AKAP8: variants seen among roughly 807,000 people sequenced by gnomAD.
AKAP8 encodes the protein A-kinase anchor protein 8.
A neutral mutation model predicts 67.5 loss-of-function variants in AKAP8; 24 were observed. The observed-to-expected ratio is 0.36, with a 90% CI of 0.26 to 0.50. The LOEUF is 0.50. Ranked by LOEUF, AKAP8 falls within the 20% of genes least tolerant of loss-of-function variation. The probability of loss-of-function intolerance (pLI) is 0.97; values close to 1 mark genes in which losing one functional copy is unlikely to be tolerated. For missense variants in AKAP8, 971 were observed against 955.9 expected, an observed-to-expected ratio of 1.02 and a Z score of -0.21; for synonymous variants, 400 against 371.1, an observed-to-expected ratio of 1.08 and a Z score of -0.90.
intron 9 of AKAP8, among the ~76,000 whole-genome samples, chr19:15,364,130 C>G (rs377355872): frequency 2.8e-5 from 1 of 35,780 alleles, no homozygotes; most frequent in African/African-American, 1.2e-4. Flanking sequence ...AAAAAAGAAA[C>G]AGGATTTTCA....
intron 2 of AKAP8, among the ~76,000 whole-genome samples, chr19:15,374,855 C>T (rs1021133089): frequency 2.6e-5 from 4 of 152,218 alleles, no homozygotes; most frequent in East Asian, 3.9e-4. Context: ...CAAGGCCAAC[C>T]GTCCGTCAGG....
At chr19:15,371,210 T>C (rs1475797334) in intron 7 of AKAP8, among the ~76,000 whole-genome samples, 1 of 151,162 alleles carries the variant, frequency 6.6e-6, no homozygotes, top group Non-Finnish European at 1.5e-5. Flanking sequence ...CACCTCCAAC[T>C]TGGATCAGAA....
chr19:15,374,118 A>G (rs1243121749), intron 3 of AKAP8, 53 bp from the exon 4 acceptor site: 15 of 1,517,328 alleles, frequency 9.9e-6, no homozygotes, highest in African/African-American at 1.4e-5. Context: ...AGGCCTGTCC[A>G]TGGTGGACAC....
chr19:15,371,228 T>C (rs1474755826), intron 7 of AKAP8, among the ~76,000 whole-genome samples: 2 of 152,216 alleles, frequency 1.3e-5, no homozygotes, highest in African/African-American at 4.8e-5. Flanking sequence ...GAATCTACAC[T>C]GGGGTGGCTG....
intron 1 of AKAP8, among the ~76,000 whole-genome samples, chr19:15,377,687 C>T (rs915070801): frequency 1.3e-5 from 2 of 152,172 alleles, no homozygotes; most frequent in African/African-American, 4.8e-5. Flanking sequence ...CCAGGATGGT[C>T]TCGATCTCCT....
chr19:15,360,159 TAAACCAAA>T (rs1035496713), intron 12 of AKAP8, among the ~76,000 whole-genome samples: 4 of 149,964 alleles, frequency 2.7e-5, no homozygotes, highest in East Asian at 1.9e-4. Flanking sequence ...AACAAAAACG[TAAACCAAA>T]AAACCAAAAC....
chr19:15,378,727 C>G (rs1967304970), intron 1 of AKAP8, among the ~76,000 whole-genome samples: 2 of 152,184 alleles, frequency 1.3e-5, no homozygotes, highest in African/African-American at 2.4e-5. Flanking sequence ...GATCAGACCA[C>G]TAGCTTCTCT....
Position 15,368,726 on chromosome 19 carries a change from G to A in AKAP8, c.1073-404C>T, listed in dbSNP as rs1967108230. ...AAGAGGCGGCAGCTGAAGGCCTCAG[G>A]AAGTGAAGCAGCTGCTCCGCCGCCC... On this transcript the variant is annotated intron_variant, in intron 8 of 13. Transcript: ENST00000269701. The A allele has an allele frequency of 7.1e-6, 7 of 985,226 alleles. No homozygotes were observed. In the South Asian group the frequency reaches 3.3e-4, roughly 46 times the overall value. 61.0% of individuals were successfully genotyped at this position (985,226 alleles called of 1,614,324 possible). A position where few individuals can be genotyped will look rare whatever the true frequency, so the allele number is the denominator to read the frequency against.
rs1031229475 is a variant in AKAP8 at position 15,369,813 on chromosome 19, G to A, written c.1072+333C>T. ...TCAGGGAAATGCACTGGCCGAGGAG[G>A]GCACAGAAGATGGGCTGGGGGCCTC... On this transcript the variant is annotated intron_variant, in intron 8 of 13. Coordinates refer to ENST00000269701, the MANE Select transcript of AKAP8 (RefSeq NM_005858.4). This position sits in a 1 kb window ranked among gnomAD's most constrained non-coding sequence, Gnocchi z 4.6. 2.0e-5 allele frequency among the ~76,000 whole-genome samples: 3 copies of A among 152,190 alleles called. No homozygotes were observed. Among genetic ancestry groups the A allele is most frequent in the African/African-American group, 4.8e-5 (2 of 41,434 alleles).
intron 13 of AKAP8, 116 bp downstream of exon 13, chr19:15,358,851 A>C: frequency 1.1e-6 from 1 of 929,086 alleles, no homozygotes; most frequent in Non-Finnish European, 1.7e-6. Context: ...AGTGTCCCTC[A>C]ACTGTCAAAA....
At chr19:15,366,182 A>T (rs1239764431) in intron 9 of AKAP8, among the ~76,000 whole-genome samples, 1 of 149,368 alleles carries the variant, frequency 6.7e-6, no homozygotes, top group African/African-American at 2.5e-5. Context: ...AAAGTAGTAA[A>T]AAAAAAATGT....
At chr19:15,376,908 G>A (rs1392047282) in intron 2 of AKAP8, 68 bp downstream of exon 2, 3 of 1,560,624 alleles carry the variant, frequency 1.9e-6, no homozygotes, top group Admixed American at 1.9e-5. Flanking sequence ...CCCAAGTTCA[G>A]CTCTGCCATG....
At chr19:15,376,339 AC>A (rs1313008826) in intron 2 of AKAP8, among the ~76,000 whole-genome samples, 1 of 152,096 alleles carries the variant, frequency 6.6e-6, no homozygotes, top group African/African-American at 2.4e-5. Flanking sequence ...ACATGGTAAA[AC>A]CCTGTCTCTA....
chr19:15,358,885 A>T, intron 13 of AKAP8, 82 bp downstream of exon 13: 1 of 1,262,526 alleles, frequency 7.9e-7, no homozygotes, highest in East Asian at 2.3e-5. Context: ...TAAATGCTGC[A>T]CTCTGGATTC....
chr19:15,361,493 G>C (rs956328240), intron 11 of AKAP8: 5 of 406,816 alleles, frequency 1.2e-5, no homozygotes, highest in Non-Finnish European at 1.8e-5. Flanking sequence ...TGGGACTACA[G>C]GTGCCCGCCA....
In AKAP8 at chr19:15,360,768, T is replaced by C. The variant is rs553957731; in HGVS notation, c.1527+80A>G. ...ATAGCAAGAACCCCTAAAGATGTTG[T>C]TATTCCCCATAAGACACAGCAGGCT... On this transcript the variant is annotated intron_variant, in intron 12 of 13. Coordinates refer to ENST00000269701, the MANE Select transcript of AKAP8 (RefSeq NM_005858.4). 6 of 1,503,008 alleles carry C rather than the reference T, an allele frequency of 4.0e-6. No homozygotes were observed. The African/African-American group carries it at 6.9e-5, about 17-fold the overall frequency. The allele number at this position is 1,503,008 out of a possible 1,614,324, so 93.1% of individuals were successfully genotyped here.
At chr19:15,376,569 T>C (rs1030639267) in intron 2 of AKAP8, among the ~76,000 whole-genome samples, 31 of 152,238 alleles carry the variant, frequency 2.0e-4, no homozygotes, top group African/African-American at 7.5e-4. Flanking sequence ...TGGAGGTGGG[T>C]GGGCGTATGA....
intron 13 of AKAP8, among the ~76,000 whole-genome samples, chr19:15,357,483 T>C (rs955366941): frequency 6.8e-6 from 1 of 147,348 alleles, no homozygotes; most frequent in Non-Finnish European, 1.5e-5. Context: ...TGGTGTACTA[T>C]TGCAGTCCCA....
rs1568254149 is a variant in AKAP8 at position 15,373,967 on chromosome 19, T to C, written c.190A>G (p.Asn64Asp). 1.2e-5 allele frequency: 20 copies of C among 1,613,712 alleles called. No individual in the cohort carries two copies. Among genetic ancestry groups the C allele is most frequent in the Non-Finnish European group, 1.7e-5 (20 of 1,179,840 alleles). ...GPASWEAAKA[N>D]DGGLAAGAPA... ...GCCCCGGCCGCCAGGCCGCCATCATTGGCCTTGGCGGCCTCCCACGAGGCT... is the reference window on the plus strand; with the variant it reads ...GCCCCGGCCGCCAGGCCGCCATCATCGGCCTTGGCGGCCTCCCACGAGGCT... Residue 64 changes from asparagine to aspartate, a missense_variant, in exon 4 of 14, where the codon AAT (asparagine) becomes GAT (aspartate). Around this residue, in one of 3 missense-constraint regions of AKAP8, gnomAD observed 763 missense variants for 745.4 expected, o/e 1.02. Coordinates refer to ENST00000269701, the MANE Select transcript of AKAP8 (RefSeq NM_005858.4).
Sources: allele counts gnomAD v4.1 joint callset (sites outside exome capture counted in the v4.1 genomes callset), GRCh38; gene constraint gnomAD v4.1.1; regional missense constraint gnomAD v4.1.1; non-coding constraint Gnocchi (gnomAD v3.1); transcripts MANE v1.5; gene names NCBI Gene and HGNC (gene_info 2026-07-23, HGNC 2026-07-21).